ERC2: variants seen among roughly 807,000 people sequenced by gnomAD.
ERC2 encodes the protein ELKS/RAB6-interacting/CAST family member 2, also known as ERC protein 2.
In ERC2, 42 loss-of-function variants were observed where a neutral mutation model predicts 114.8. That is an observed-to-expected ratio of 0.37 (90% confidence interval 0.29 to 0.47). ERC2 has a LOEUF of 0.47. ERC2 is among the 20% of genes least tolerant of loss of function. The pLI, the probability that ERC2 is intolerant of heterozygous loss-of-function variation, is 0.99. For missense variants in ERC2, 939 were observed against 1,150.7 expected, an observed-to-expected ratio of 0.82 and a Z score of 2.66; for synonymous variants, 454 against 425.5, an observed-to-expected ratio of 1.07 and a Z score of -0.82.
At chr3:56,154,759 T>C (rs1223087003) in intron 4 of ERC2, among the ~76,000 whole-genome samples, 1 of 152,182 alleles carries the variant, frequency 6.6e-6, no homozygotes, top group African/African-American at 2.4e-5. Context: ...ACAATAAGAC[T>C]ATGCTCCTGA....
intron 2 of ERC2, among the ~76,000 whole-genome samples, chr3:56,351,505 G>A (rs908869309): frequency 6.6e-5 from 10 of 152,142 alleles, no homozygotes; most frequent in African/African-American, 2.4e-4. Context: ...AAGGGAAAGA[G>A]AGACAGAAAG....
Position 55,997,225 on chromosome 3 carries a change from C to A in ERC2, c.2062-4975G>T, listed in dbSNP as rs556860080. Among the ~76,000 whole-genome samples, 32 of 152,236 alleles carry A rather than the reference C, an allele frequency of 2.1e-4. No individual in the cohort carries two copies. The South Asian group carries it at 6.4e-3, about 31-fold the overall frequency. ...GAATGTTAACGAATGTATTTGATGA[C>A]TTTTCTTCCCTGCTGTTTCTGGGTT... On this transcript the variant is annotated intron_variant, in intron 10 of 17. Coordinates refer to ENST00000288221, the MANE Select transcript of ERC2 (RefSeq NM_015576.3).
chr3:55,736,755 C>A (rs898727096), intron 14 of ERC2, among the ~76,000 whole-genome samples: 1 of 152,128 alleles, frequency 6.6e-6, no homozygotes, highest in Non-Finnish European at 1.5e-5. Context: ...AATTAGAATG[C>A]TTTGCTTCCT....
At chr3:56,247,225 G>A (rs2051772218) in intron 3 of ERC2, among the ~76,000 whole-genome samples, 1 of 152,074 alleles carries the variant, frequency 6.6e-6, no homozygotes, top group South Asian at 2.1e-4. Flanking sequence ...CAACTAAGCG[G>A]GGGGTGGGGA....
At chr3:55,781,499 T>G (rs1039217749) in intron 14 of ERC2, among the ~76,000 whole-genome samples, 2 of 151,320 alleles carry the variant, frequency 1.3e-5, no homozygotes, top group Non-Finnish European at 3.0e-5. Context: ...TAAAAATGGT[T>G]TTTTTTTTGT....
chr3:55,979,601 T>C (rs148247317), intron 12 of ERC2, among the ~76,000 whole-genome samples: 1,759 of 152,274 alleles, frequency 0.012, 25 homozygotes, highest in Middle Eastern at 0.024. Flanking sequence ...GCTCCGTATA[T>C]GCCAGTAAGA....
At chr3:55,700,477 C>T (rs2063164977) in intron 15 of ERC2, among the ~76,000 whole-genome samples, 1 of 152,236 alleles carries the variant, frequency 6.6e-6, no homozygotes, top group South Asian at 2.1e-4. Flanking sequence ...AATAGTGCCT[C>T]TTTCCTCGGG....
intron 14 of ERC2, among the ~76,000 whole-genome samples, chr3:55,826,041 G>A (rs779055126): frequency 2.6e-5 from 4 of 151,762 alleles, no homozygotes; most frequent in African/African-American, 4.8e-5. Context: ...GAGGAAGGAA[G>A]GGAGGAAGGG....
At chr3:55,569,861 A>T (rs1004006596) in intron 17 of ERC2, among the ~76,000 whole-genome samples, 80 of 125,162 alleles carry the variant, frequency 6.4e-4, no homozygotes, top group Admixed American at 1.6e-3. Context: ...CTTCATTTCT[A>T]TTTTTTTTTT....
At chr3:55,878,963 C>T (rs956241819) in intron 14 of ERC2, among the ~76,000 whole-genome samples, 3 of 152,174 alleles carry the variant, frequency 2.0e-5, no homozygotes, top group African/African-American at 7.2e-5. Context: ...TATTTAATAA[C>T]CTAAGAGTTT....
intron 10 of ERC2, among the ~76,000 whole-genome samples, chr3:55,996,473 C>T (rs996565419): frequency 1.3e-5 from 2 of 152,090 alleles, no homozygotes; most frequent in Admixed American, 6.6e-5. Context: ...TCCAGGTATC[C>T]GATTCTGCTC....
At chr3:56,271,789 T>C (rs975581477) in intron 3 of ERC2, among the ~76,000 whole-genome samples, 2 of 152,172 alleles carry the variant, frequency 1.3e-5, no homozygotes, top group African/African-American at 2.4e-5. Flanking sequence ...GGTCCCAGTG[T>C]CTATTGTTCC....
chr3:55,939,388 T>C (rs2066640753), intron 13 of ERC2, among the ~76,000 whole-genome samples: 1 of 152,214 alleles, frequency 6.6e-6, no homozygotes, highest in South Asian at 2.1e-4. Context: ...AATGCCCTAG[T>C]GGGAAAGAAA....
rs141696773 is a variant in ERC2, at chr3:56,333,389, A to G, written c.658-36954T>C. Among the ~76,000 whole-genome samples the G allele has an allele frequency of 9.8e-5, 15 of 152,390 alleles. No homozygotes were observed. The East Asian group carries it at 2.5e-3, about 25-fold the overall frequency. On this transcript the variant is annotated intron_variant, in intron 2 of 17. Transcript: ENST00000288221. ...ATTTAGCAAACAACTTCAATGTGCT[A>G]TAAGAGAAGAATGGCTAACTTTGTG...
chr3:55,992,350 T>A (rs1231439146), intron 10 of ERC2, 100 bp from the exon 11 acceptor site: 2 of 1,071,380 alleles, frequency 1.9e-6, no homozygotes, highest in Non-Finnish European at 2.7e-6. Flanking sequence ...GGAGAGAAAA[T>A]CACCACCAAG....
intron 17 of ERC2, among the ~76,000 whole-genome samples, chr3:55,566,404 A>T (rs919110920): frequency 8.0e-6 from 1 of 125,322 alleles, no homozygotes; most frequent in African/African-American, 3.0e-5. Flanking sequence ...TATGCTGGTA[A>T]TTCTATTTAT....
intron 17 of ERC2, among the ~76,000 whole-genome samples, chr3:55,597,191 T>G (rs9827520): frequency 6.6e-6 from 1 of 152,006 alleles, no homozygotes; most frequent in East Asian, 1.9e-4. Flanking sequence ...GAGGCCGAGG[T>G]GGGCGGATCA....
chr3:56,157,409 T>C (rs1300199836), intron 4 of ERC2, among the ~76,000 whole-genome samples: 1 of 152,066 alleles, frequency 6.6e-6, no homozygotes, highest in East Asian at 1.9e-4. Flanking sequence ...CAACAATGGG[T>C]TGCATGTCAT....
chr3:55,904,641 A>G (rs1413154039), intron 13 of ERC2, among the ~76,000 whole-genome samples: 1 of 152,116 alleles, frequency 6.6e-6, no homozygotes, highest in Non-Finnish European at 1.5e-5. Flanking sequence ...CATCATGAAC[A>G]TGTTCTCATC....
Sources: gnomAD v4.1 joint callset for allele counts (sites outside exome capture counted in the v4.1 genomes callset) on GRCh38, gnomAD v4.1.1 for gene constraint, MANE v1.5 for transcripts, NCBI Gene and HGNC (gene_info 2026-07-23, HGNC 2026-07-21) for gene names.